MX2: variants seen among roughly 807,000 people sequenced by gnomAD.
MX2 encodes the protein MX dynamin like GTPase 2.
MX2 carries 51 observed loss-of-function variants against 74.0 expected under a neutral mutation model. That is an observed-to-expected ratio of 0.69 (90% confidence interval 0.55 to 0.87). The LOEUF (loss-of-function observed/expected upper bound fraction) is 0.87. MX2 is among the 40% of genes least tolerant of loss of function. The pLI, the probability that MX2 is intolerant of heterozygous loss-of-function variation, is 0.00. For synonymous variants in MX2, 369 were observed against 339.3 expected (o/e 1.09, Z -0.96); for missense variants, 832 against 908.7 (o/e 0.92, Z 1.09).
chr21:41,367,503 A>C (rs1256439449), intron 1 of MX2, among the ~76,000 whole-genome samples: 1 of 152,194 alleles, frequency 6.6e-6, no homozygotes, highest in Non-Finnish European at 1.5e-5. Context: ...TAAAACTGGA[A>C]GATGCAAAGC....
chr21:41,390,042 G>A (rs527954287), intron 5 of MX2: 1 of 153,544 alleles, frequency 6.5e-6, no homozygotes, highest in Non-Finnish European at 1.5e-5. Context: ...AGAAACACGT[G>A]GAGATATTCT....
At chr21:41,373,974 CAG>C (rs2089362709) in intron 1 of MX2, 1 of 152,442 alleles carries the variant, frequency 6.6e-6, no homozygotes, top group African/African-American at 2.4e-5. Flanking sequence ...TCCCTGCTCT[CAG>C]CCTGAGCAGG....
In MX2 at chr21:41,363,060, T is replaced by C. The variant is rs410347; in HGVS notation, c.-72+1005T>C. On this transcript the variant is annotated intron_variant, in intron 1 of 13. Transcript: ENST00000330714. This position sits in a 1 kb window ranked among gnomAD's most constrained non-coding sequence, Gnocchi z 4.2. ...AGGCGTAAGCCACCCCATTCGGCTT[T>C]GATGACACCTTTTGAACACTGTTCT... is the stretch of plus-strand genomic sequence containing the variant. 0.69 allele frequency among the ~76,000 whole-genome samples: 104,335 copies of C among 151,946 alleles called. 36,749 individuals carry two copies. Among genetic ancestry groups the C allele is most frequent in the East Asian group, 0.92 (4,783 of 5,174 alleles).
chr21:41,400,596 G>A (rs541404153), intron 10 of MX2, among the ~76,000 whole-genome samples: 1 of 90,604 alleles, frequency 1.1e-5, no homozygotes, highest in Non-Finnish European at 2.6e-5. Context: ...GTTCCACATG[G>A]CTAGGGAGAC....
rs539808226 is a variant in MX2, at chr21:41,396,553, C to T, written c.1070+768C>T. On this transcript the variant is annotated intron_variant, in intron 7 of 13. Transcript: ENST00000330714. The stretch of plus-strand genomic sequence containing the variant: ...GATCTTACAATATGGGCCACCTTCT[C>T]GGAATTTTGCCTTTCCCATCTTCTC... Among the ~76,000 whole-genome samples the T allele has an allele frequency of 5.3e-5, 8 of 152,228 alleles. No individual in the cohort carries two copies. In the East Asian group the frequency reaches 1.2e-3, roughly 22 times the overall value.
At position 41,382,553 on chromosome 21, in the gene MX2, A is replaced by C. The variant is rs762238549; in HGVS notation, c.721A>C (p.Ile241Leu). Residue 241 changes from isoleucine (I) to leucine (L), a missense_variant, in exon 5 of 14, where the codon ATC becomes CTC. Ile to Leu is a conservative substitution (Grantham distance 5). Coordinates refer to ENST00000330714, the MANE Select transcript of MX2 (RefSeq NM_002463.2). ...RVAVDNQPRD[I>L]GLQIKALIKK... ...GGCTGTGGACAACCAGCCCCGAGACATCGGACTGCAGGTGAGCCCTTCTGG... is the reference window on the plus strand; with the variant it reads ...GGCTGTGGACAACCAGCCCCGAGACCTCGGACTGCAGGTGAGCCCTTCTGG... 2 of 1,614,178 alleles carry C rather than the reference A, an allele frequency of 1.2e-6. No homozygotes were observed. Among genetic ancestry groups the C allele is most frequent in the Middle Eastern group, 1.7e-4 (1 of 6,060 alleles).
Position 41,399,320 on chromosome 21 carries a change from C to G in MX2, c.1397C>G (p.Ala466Gly), listed in dbSNP as rs1190137364. The change falls in exon 10 of 14, where the codon GCA (alanine) becomes GGA (glycine). Residue 466 changes from alanine (A) to glycine (G), a missense_variant. Coordinates refer to ENST00000330714, the MANE Select transcript of MX2 (RefSeq NM_002463.2). ...TTTAAAAACTGGGTAGGCATACTTG[C>G]AACTAATACCCAAAAAGGTAAGTTC... ...EDFKNWVGIL[A>G]TNTQKVKNII... The G allele has an allele frequency of 6.2e-7, 1 of 1,613,904 alleles. No individual in the cohort carries two copies. Among genetic ancestry groups the G allele is most frequent in the Non-Finnish European group, 8.5e-7 (1 of 1,179,952 alleles).
At chr21:41,404,105 T>C (rs1369271543) in intron 12 of MX2, 1 of 164,156 alleles carries the variant, frequency 6.1e-6, no homozygotes, top group Non-Finnish European at 1.3e-5. Context: ...CCTGAGCTCC[T>C]GCCCAGCCCC....
At chr21:41,374,839 A>C (rs998620276) in intron 1 of MX2, among the ~76,000 whole-genome samples, 8 of 152,096 alleles carry the variant, frequency 5.3e-5, no homozygotes, top group African/African-American at 1.7e-4. Context: ...TTCCTGGTCC[A>C]TGGCTGTGTC....
Position 41,403,265 on chromosome 21 carries a change from A to G in MX2, c.1574-2A>G. ...CTTCTCCTTTTTGCTTTTTTTGGTC[A>G]GAAATTATCCAGCAAGCTTTCATTA... On this transcript the variant is annotated splice_acceptor_variant, in intron 11 of 13. Coordinates refer to ENST00000330714, the MANE Select transcript of MX2 (RefSeq NM_002463.2). LOFTEE classifies it high-confidence loss of function. The G allele has an allele frequency of 6.2e-7, 1 of 1,603,780 alleles. No individual in the cohort carries two copies. The highest frequency in any genetic ancestry group is 8.5e-7 in the Non-Finnish European group (1 of 1,173,998).
chr21:41,384,556 A>G (rs1265925806), intron 5 of MX2, among the ~76,000 whole-genome samples: 5 of 152,244 alleles, frequency 3.3e-5, no homozygotes, highest in African/African-American at 4.8e-5. Flanking sequence ...GCTCATAATT[A>G]CAGCCACGTG....
chr21:41,379,595 T>G (rs2089460434), intron 3 of MX2, among the ~76,000 whole-genome samples: 1 of 152,080 alleles, frequency 6.6e-6, no homozygotes, highest in Non-Finnish European at 1.5e-5. Flanking sequence ...TAACCAGGGC[T>G]GCCCACCGGG....
chr21:41,390,766 G>C, intron 6 of MX2, 63 bp downstream of exon 6: 1 of 1,582,174 alleles, frequency 6.3e-7, no homozygotes, highest in Non-Finnish European at 8.7e-7. Flanking sequence ...AGCACTTTGG[G>C]AGGCCAAGAC....
chr21:41,382,526 G>A lies in MX2; in HGVS notation c.694G>A (p.Val232Met), dbSNP rs138169763. The change falls in exon 5 of 14, where the codon GTG (valine) becomes ATG (methionine). Residue 232 changes from valine to methionine, a missense_variant. Val to Met is a conservative substitution (Grantham distance 21). Transcript: ENST00000330714. Reference protein sequence around the residue: ...TIIDLPGITRVAVDNQPRDIG... With the variant: ...TIIDLPGITRMAVDNQPRDIG... ...CATTGACCTTCCCGGCATCACCAGGGTGGCTGTGGACAACCAGCCCCGAGA... is the reference window on the plus strand; with the variant it reads ...CATTGACCTTCCCGGCATCACCAGGATGGCTGTGGACAACCAGCCCCGAGA... 1.7e-5 allele frequency: 28 copies of A among 1,614,106 alleles called. No individual in the cohort carries two copies. Among genetic ancestry groups the A allele is most frequent in the Non-Finnish European group, 1.9e-5 (23 of 1,180,056 alleles).
At chr21:41,390,480 C>G in intron 5 of MX2, 85 bp from the exon 6 acceptor site, 1 of 1,572,890 alleles carries the variant, frequency 6.4e-7, no homozygotes, top group South Asian at 1.1e-5. Flanking sequence ...TGCCTTTGCG[C>G]CATCATGCCT....
chr21:41,404,499 C>T (rs1337090125), intron 12 of MX2: 3 of 152,198 alleles, frequency 2.0e-5, no homozygotes. Flanking sequence ...AGTTCCAGTG[C>T]TATCTGTGAC....
chr21:41,393,785 A>G (rs540714493), intron 6 of MX2, among the ~76,000 whole-genome samples: 36 of 152,056 alleles, frequency 2.4e-4, no homozygotes, highest in Non-Finnish European at 4.4e-4. Context: ...CTGTCTGGCC[A>G]ATGTCTCCAG....
At position 41,406,767 on chromosome 21, in the gene MX2, G is replaced by GA; in HGVS notation, c.1677dup (p.His560ThrfsTer39). ...AGAGCACGATTGAAGACATAAAAGTGAAACACACAGCAAAGGCAGAAAACA... is the reference window on the plus strand; with the variant it reads ...AGAGCACGATTGAAGACATAAAAGTGAAAACACACAGCAAAGGCAGAAAACA... On this transcript the variant is annotated frameshift_variant, in exon 13 of 14. Transcript: ENST00000330714. LOFTEE classifies it high-confidence loss of function. 1 of 1,614,170 alleles carries GA rather than the reference G, an allele frequency of 6.2e-7. No homozygotes were observed. Among genetic ancestry groups the GA allele is most frequent in the Non-Finnish European group, 8.5e-7 (1 of 1,180,014 alleles).
chr21:41,394,959 AAAGGAAGGAAGGAAGCAAGGAAAG>A (rs1298956980), intron 6 of MX2, among the ~76,000 whole-genome samples: 1 of 150,992 alleles, frequency 6.6e-6, no homozygotes, highest in Non-Finnish European at 1.5e-5. Flanking sequence ...AGAGAGAGAG[AAAGGAAGGAAGGAAGCAAGGAAAG>A]AAGGAAGGAA....
Sources: gnomAD v4.1 joint callset for allele counts (sites outside exome capture counted in the v4.1 genomes callset) on GRCh38, gnomAD v4.1.1 for gene constraint, Gnocchi (gnomAD v3.1) non-coding constraint, MANE v1.5 for transcripts, NCBI Gene and HGNC (gene_info 2026-07-23, HGNC 2026-07-21) for gene names.